The following LGR5 variants were observed in gnomAD, a reference collection of about 807,000 sequenced individuals.
LGR5 encodes leucine-rich repeat-containing G protein-coupled receptor 5.
LGR5 carries 54 observed loss-of-function variants against 76.7 expected under a neutral mutation model. That is an observed-to-expected ratio of 0.70 (90% CI 0.57 to 0.88). LGR5 has a LOEUF of 0.88. Among genes scored for constraint, LGR5 ranks in the 40% least tolerant of loss-of-function variants. The pLI, the probability that LGR5 is intolerant of heterozygous loss-of-function variation, is 0.00. For missense variants in LGR5, 1,078 were observed against 1,073.3 expected, an observed-to-expected ratio of 1.00 and a Z score of -0.06; for synonymous variants, 406 against 421.9, an observed-to-expected ratio of 0.96 and a Z score of 0.46.
At chr12:71,505,797 A>T (rs1250092842) in intron 2 of LGR5, among the ~76,000 whole-genome samples, 1 of 152,212 alleles carries the variant, frequency 6.6e-6, no homozygotes, top group Non-Finnish European at 1.5e-5. Context: ...TAAAATTGGT[A>T]TCAAGGGTTA....
intron 4 of LGR5, among the ~76,000 whole-genome samples, chr12:71,551,216 T>C (rs368938658): frequency 1.3e-5 from 2 of 152,242 alleles, no homozygotes; most frequent in African/African-American, 4.8e-5. Flanking sequence ...GCATCGCTTG[T>C]TCCTTCCCAT....
chr12:71,561,762 ATTT>A lies in LGR5; in HGVS notation c.786-13_786-11del. Reference sequence around the variant, plus strand: ...TTTACCCCACACAGGATTTTTTATAATTTTTTTTCTCTTTCTAGAGGATTTCAT... The same window carrying A: ...TTTACCCCACACAGGATTTTTTATAATTTTTCTCTTTCTAGAGGATTTCAT... On this transcript the variant is annotated splice_polypyrimidine_tract_variant and intron_variant, in intron 7 of 17. Coordinates refer to ENST00000266674, the MANE Select transcript of LGR5 (RefSeq NM_003667.4). 6.6e-7 allele frequency: 1 copy of A among 1,525,982 alleles called. No individual in the cohort carries two copies. The highest frequency in any genetic ancestry group is 9.0e-7 in the Non-Finnish European group (1 of 1,117,270). The allele number at this position is 1,525,982 out of a possible 1,614,324, so 94.5% of individuals were successfully genotyped here.
At position 71,440,318 on chromosome 12, in the gene LGR5, GGAGA is replaced by G; in HGVS notation, c.212+31_212+34del. 1 of 1,594,438 alleles carries G rather than the reference GGAGA, an allele frequency of 6.3e-7. No homozygotes were observed. Among genetic ancestry groups the G allele is most frequent in the Non-Finnish European group, 8.5e-7 (1 of 1,170,546 alleles). On this transcript the variant is annotated intron_variant, in intron 1 of 17. Coordinates refer to ENST00000266674, the MANE Select transcript of LGR5 (RefSeq NM_003667.4). The surrounding 1 kb of genome is among the most constrained non-coding windows in gnomAD (Gnocchi z 5.3). ...GTAAGTACTTCCCCACGTCACTCCG[GGAGA>G]GAGACTAAGAGGGGAAGGAAGGTTC...
chr12:71,484,878 G>A (rs1873761398), intron 1 of LGR5, among the ~76,000 whole-genome samples: 2 of 152,116 alleles, frequency 1.3e-5, no homozygotes, highest in Non-Finnish European at 2.9e-5. Flanking sequence ...ATTTTCAAAC[G>A]AGCTTTGGTT....
chr12:71,457,201 T>G (rs1872516008), intron 1 of LGR5, among the ~76,000 whole-genome samples: 1 of 152,156 alleles, frequency 6.6e-6, no homozygotes, highest in Non-Finnish European at 1.5e-5. Flanking sequence ...AGTGTCTGTG[T>G]AAGAACCATT....
chr12:71,522,204 A>G (rs1205983038), intron 2 of LGR5, among the ~76,000 whole-genome samples: 4 of 152,198 alleles, frequency 2.6e-5, no homozygotes, highest in African/African-American at 9.7e-5. Flanking sequence ...TTTACCTGGC[A>G]TGAAAACTGA....
chr12:71,451,416 C>T (rs1872245276), intron 1 of LGR5, among the ~76,000 whole-genome samples: 1 of 152,060 alleles, frequency 6.6e-6, no homozygotes, highest in African/African-American at 2.4e-5. Flanking sequence ...CTCTTCTCTC[C>T]AGCCATTTCA....
chr12:71,475,579 C>T (rs1873295741), intron 1 of LGR5, among the ~76,000 whole-genome samples: 2 of 152,202 alleles, frequency 1.3e-5, no homozygotes, highest in Non-Finnish European at 2.9e-5. Flanking sequence ...ACAGCCTGCT[C>T]TCTTATGCTG....
At chr12:71,561,096 G>A (rs1878034973) in intron 7 of LGR5, among the ~76,000 whole-genome samples, 1 of 152,130 alleles carries the variant, frequency 6.6e-6, no homozygotes, top group African/African-American at 2.4e-5. Context: ...ACAGCTAAAG[G>A]AGACACAGAG....
At chr12:71,497,431 A>C (rs1313712633) in intron 1 of LGR5, among the ~76,000 whole-genome samples, 1 of 152,146 alleles carries the variant, frequency 6.6e-6, no homozygotes, top group Admixed American at 6.6e-5. Flanking sequence ...ATCCGGCCGG[A>C]CACAGAATTT....
intron 8 of LGR5, among the ~76,000 whole-genome samples, chr12:71,564,020 T>C (rs1474317934): frequency 6.4e-4 from 14 of 21,874 alleles, no homozygotes; most frequent in African/African-American, 1.2e-3. Flanking sequence ...ACACGCACCG[T>C]GTATATATGC....
intron 7 of LGR5, among the ~76,000 whole-genome samples, chr12:71,560,301 C>G (rs1877991596): frequency 6.6e-6 from 1 of 151,860 alleles, no homozygotes; most frequent in Admixed American, 6.6e-5. Context: ...ATAAAGTAAG[C>G]TAGAGAAAAG....
At chr12:71,497,089 G>A (rs1874362202) in intron 1 of LGR5, among the ~76,000 whole-genome samples, 1 of 152,046 alleles carries the variant, frequency 6.6e-6, no homozygotes. Flanking sequence ...CAAGGTGGGA[G>A]AATCAACTGA....
In LGR5 at chr12:71,440,395, G is replaced by C; in HGVS notation, c.212+103G>C. ...CCTCGGCGCCCGCCTGCTCGTGGGG[G>C]AGGGGGGCGAGTTTGTCAAGGGCAT... On this transcript the variant is annotated intron_variant, in intron 1 of 17. Transcript: ENST00000266674. This position sits in a 1 kb window ranked among gnomAD's most constrained non-coding sequence, Gnocchi z 5.3. The C allele has an allele frequency of 1.8e-6, 2 of 1,118,652 alleles. No individual in the cohort carries two copies. Among genetic ancestry groups the C allele is most frequent in the Non-Finnish European group, 2.6e-6 (2 of 762,506 alleles). 69.3% of individuals were successfully genotyped at this position (1,118,652 alleles called of 1,614,324 possible).
At chr12:71,457,823 G>A (rs978364121) in intron 1 of LGR5, among the ~76,000 whole-genome samples, 1 of 152,072 alleles carries the variant, frequency 6.6e-6, no homozygotes, top group African/African-American at 2.4e-5. Flanking sequence ...GTGTTTATTT[G>A]AACCCCAAGC....
chr12:71,557,464 G>A (rs1877827439), intron 6 of LGR5, among the ~76,000 whole-genome samples: 1 of 152,150 alleles, frequency 6.6e-6, no homozygotes, highest in South Asian at 2.1e-4. Flanking sequence ...TACATATCTA[G>A]TCAGTAGCAG....
At position 71,535,101 on chromosome 12, in the gene LGR5, C is replaced by CT. The variant is rs1368006709; in HGVS notation, c.357-10dup. 6.3e-7 allele frequency: 1 copy of CT among 1,585,892 alleles called. No individual in the cohort carries two copies. Among genetic ancestry groups the CT allele is most frequent in the Non-Finnish European group, 8.6e-7 (1 of 1,158,344 alleles). ...TTTTTTTTAACATTTTTCTTTATTT[C>CT]TTTTAACATACAGTATGCTGCAGAA... is the stretch of plus-strand genomic sequence containing the variant. On this transcript the variant is annotated splice_polypyrimidine_tract_variant and intron_variant, in intron 3 of 17. Transcript: ENST00000266674.
chr12:71,477,533 A>G (rs1458933407), intron 1 of LGR5, among the ~76,000 whole-genome samples: 1 of 150,952 alleles, frequency 6.6e-6, no homozygotes, highest in African/African-American at 2.4e-5. Flanking sequence ...GTACATATAT[A>G]TCATTTTAAC....
intron 8 of LGR5, among the ~76,000 whole-genome samples, chr12:71,565,234 A>G (rs1037241962): frequency 4.0e-5 from 6 of 151,858 alleles, no homozygotes; most frequent in Admixed American, 3.9e-4. Flanking sequence ...CACATGCATT[A>G]GCTCTTTTAA....
Sources: allele counts gnomAD v4.1 joint callset (sites outside exome capture counted in the v4.1 genomes callset), GRCh38; gene constraint gnomAD v4.1.1; non-coding constraint Gnocchi (gnomAD v3.1); transcripts MANE v1.5; gene names NCBI Gene and HGNC (gene_info 2026-07-23, HGNC 2026-07-21).